TGFBR2: variants seen among roughly 807,000 people sequenced by gnomAD.
TGFBR2 encodes the protein TGF-beta receptor type-2.
A neutral mutation model predicts 49.0 loss-of-function variants in TGFBR2; 18 were observed. The ratio of observed to expected loss-of-function variants is 0.37; its 90% CI spans 0.25 to 0.54. TGFBR2 has a LOEUF of 0.54. Ranked by LOEUF, TGFBR2 falls within the 20% of genes least tolerant of loss-of-function variation. The pLI is 0.85. For synonymous variants in TGFBR2, 282 were observed against 275.9 expected, an observed-to-expected ratio of 1.02 and a Z score of -0.22; for missense variants, 525 against 722.6, an observed-to-expected ratio of 0.73 and a Z score of 3.13.
chr3:30,660,826 A>ATT (rs1699109023), intron 3 of TGFBR2, among the ~76,000 whole-genome samples: 1 of 152,208 alleles, frequency 6.6e-6, no homozygotes, highest in African/African-American at 2.4e-5. Flanking sequence ...AATGTGTCCA[A>ATT]AAGGTTGGAT....
intron 1 of TGFBR2, among the ~76,000 whole-genome samples, chr3:30,635,905 A>T (rs963017528): frequency 4.6e-5 from 7 of 152,052 alleles, no homozygotes; most frequent in African/African-American, 1.7e-4. Flanking sequence ...ACACACACTC[A>T]CACACACACT....
chr3:30,619,239 G>A lies in TGFBR2; in HGVS notation c.94+12262G>A, dbSNP rs6805588. 1.3e-3 allele frequency among the ~76,000 whole-genome samples: 197 copies of A among 152,098 alleles called. 1 individual carries two copies. Among genetic ancestry groups the A allele is most frequent in the African/African-American group, 4.5e-3 (186 of 41,474 alleles). Reference sequence around the variant, plus strand: ...ATTTTTGCCCTTGAATTATGCTACCGTAACACAAACCTGAACTCTTATATT... The same window carrying A: ...ATTTTTGCCCTTGAATTATGCTACCATAACACAAACCTGAACTCTTATATT... On this transcript the variant is annotated intron_variant, in intron 1 of 6. Transcript: ENST00000295754.
At position 30,692,564 on chromosome 3, in the gene TGFBR2, C is replaced by G. The variant is rs1699735451; in HGVS notation, c.*965C>G. 1 of 232,928 alleles carries G rather than the reference C, an allele frequency of 4.3e-6. No individual in the cohort carries two copies. The highest frequency in any genetic ancestry group is 5.6e-5 in the Admixed American group (1 of 17,764). 14.4% of individuals were successfully genotyped at this position (232,928 alleles called of 1,614,324 possible). ...GCCTTCATCCTTTTCTAAAAAGGAG[C>G]AAATTCTCACTCTAGGCTTTATCGT... On this transcript the variant is annotated 3_prime_UTR_variant, in exon 7 of 7. Coordinates refer to ENST00000295754, the MANE Select transcript of TGFBR2 (RefSeq NM_003242.6).
chr3:30,607,128 C>T (rs1697937759), intron 1 of TGFBR2, 151 bp downstream of exon 1: 1 of 637,184 alleles, frequency 1.6e-6, no homozygotes, highest in Non-Finnish European at 2.8e-6. Context: ...AGCCCGACTC[C>T]CGTAGCTGCA....
intron 1 of TGFBR2, among the ~76,000 whole-genome samples, chr3:30,607,936 C>A (rs940041193): frequency 6.8e-6 from 1 of 147,930 alleles, no homozygotes; most frequent in East Asian, 2.0e-4. Flanking sequence ...TCTGAGACTT[C>A]AAAAGTTAGA....
At chr3:30,680,188 G>T (rs1449073229) in intron 5 of TGFBR2, among the ~76,000 whole-genome samples, 1 of 134,954 alleles carries the variant, frequency 7.4e-6, no homozygotes, top group Admixed American at 9.0e-5. Context: ...GATAGTCAGA[G>T]CTACTCTGTG....
chr3:30,626,082 T>C (rs1428852104), intron 1 of TGFBR2, among the ~76,000 whole-genome samples: 4 of 152,202 alleles, frequency 2.6e-5, no homozygotes, highest in Non-Finnish European at 4.4e-5. Context: ...TTTGGCATCA[T>C]TATTGTTTTA....
intron 5 of TGFBR2, among the ~76,000 whole-genome samples, chr3:30,679,254 G>A (rs1699492713): frequency 6.6e-6 from 1 of 152,174 alleles, no homozygotes; most frequent in African/African-American, 2.4e-5. Flanking sequence ...GGAGTGCAGT[G>A]TTATGGTCAG....
intron 3 of TGFBR2, among the ~76,000 whole-genome samples, chr3:30,651,412 G>A (rs1222380932): frequency 1.3e-5 from 2 of 151,762 alleles, no homozygotes; most frequent in Non-Finnish European, 2.9e-5. Context: ...TCATCCATCT[G>A]TCCATCCTTC....
intron 4 of TGFBR2, among the ~76,000 whole-genome samples, chr3:30,673,661 T>C (rs1398695099): frequency 6.6e-6 from 1 of 152,210 alleles, no homozygotes; most frequent in East Asian, 1.9e-4. Flanking sequence ...TAAGACTCAG[T>C]CCTAAAGTGA....
At chr3:30,650,244 G>A (rs369928049) in intron 2 of TGFBR2, 26 bp from the exon 3 acceptor site, 19 of 1,609,078 alleles carry the variant, frequency 1.2e-5, no homozygotes, top group South Asian at 4.4e-5. Context: ...CTCTCCCCTC[G>A]CTTCCAATGA....
At chr3:30,629,856 G>A (rs1204652800) in intron 1 of TGFBR2, among the ~76,000 whole-genome samples, 3 of 152,180 alleles carry the variant, frequency 2.0e-5, no homozygotes, top group African/African-American at 7.2e-5. Flanking sequence ...GTCAAGAATG[G>A]CATCTTTGAT....
At chr3:30,607,815 A>AATAT (rs1697954034) in intron 1 of TGFBR2, among the ~76,000 whole-genome samples, 2 of 136,188 alleles carry the variant, frequency 1.5e-5, no homozygotes, top group East Asian at 2.0e-4. Context: ...TATATATATT[A>AATAT]TATATATATA....
At chr3:30,611,329 C>T (rs556247477) in intron 1 of TGFBR2, among the ~76,000 whole-genome samples, 1 of 152,280 alleles carries the variant, frequency 6.6e-6, no homozygotes, top group South Asian at 2.1e-4. Context: ...AAAATCTTTA[C>T]TTTCAGTTAG....
At chr3:30,668,712 C>G (rs780233267) in intron 3 of TGFBR2, among the ~76,000 whole-genome samples, 2 of 152,042 alleles carry the variant, frequency 1.3e-5, no homozygotes, top group African/African-American at 2.4e-5. Flanking sequence ...GATCAATCAC[C>G]AAATTTTCTC....
chr3:30,690,842 A>G (rs1007609131), intron 6 of TGFBR2, among the ~76,000 whole-genome samples: 4 of 152,224 alleles, frequency 2.6e-5, no homozygotes, highest in Non-Finnish European at 4.4e-5. Context: ...AACCCCTGGA[A>G]TATACAACAC....
chr3:30,653,659 T>G (rs1698942101), intron 3 of TGFBR2, among the ~76,000 whole-genome samples: 1 of 152,212 alleles, frequency 6.6e-6, no homozygotes, highest in Non-Finnish European at 1.5e-5. Context: ...ACAGTACTCT[T>G]GTTGGCAAGT....
chr3:30,607,041 C>T (rs1697936041), intron 1 of TGFBR2, 64 bp downstream of exon 1: 1 of 1,423,798 alleles, frequency 7.0e-7, no homozygotes, highest in Non-Finnish European at 9.6e-7. Flanking sequence ...CCCGCCTCTC[C>T]GCTGCGCTTG....
rs1418469897 is a variant in TGFBR2 at position 30,606,776 on chromosome 3, C to G, written c.-108C>G. 4 of 818,404 alleles carry G rather than the reference C, an allele frequency of 4.9e-6. No individual in the cohort carries two copies. Among genetic ancestry groups the G allele is most frequent in the Non-Finnish European group, 6.7e-6 (4 of 595,890 alleles). The allele number at this position is 818,404 out of a possible 1,614,324, so 50.7% of individuals were successfully genotyped here. On this transcript the variant is annotated 5_prime_UTR_variant, in exon 1 of 7. Transcript: ENST00000295754. ...TGGCCCGCACATCTGCGCTGCCGGC[C>G]CGGCGCGGGGTCCGGAGAGGGCGCG...
Sources: allele counts gnomAD v4.1 joint callset (sites outside exome capture counted in the v4.1 genomes callset), GRCh38; gene constraint gnomAD v4.1.1; transcripts MANE v1.5; gene names NCBI Gene and HGNC (gene_info 2026-07-23, HGNC 2026-07-21).